The following KPNA3 variants were observed in gnomAD, a reference collection of about 807,000 sequenced individuals.
The protein encoded by KPNA3 is importin subunit alpha-4.
In KPNA3, 13 loss-of-function variants were observed where a neutral mutation model predicts 73.8. That is an observed-to-expected ratio of 0.18 (90% CI 0.11 to 0.28). The LOEUF is 0.28. KPNA3 is among the 10% of genes least tolerant of loss of function. KPNA3 has a pLI of 1.00. For synonymous variants in KPNA3, 186 were observed against 206.9 expected, an observed-to-expected ratio of 0.90 and a Z score of 0.87; for missense variants, 360 against 618.1, an observed-to-expected ratio of 0.58 and a Z score of 4.43.
chr13:49,787,538 A>C (rs1189804944), intron 1 of KPNA3, among the ~76,000 whole-genome samples: 8 of 151,916 alleles, frequency 5.3e-5, no homozygotes. Flanking sequence ...ACAGAGTTTC[A>C]CTCTGTCGCC....
intron 10 of KPNA3, among the ~76,000 whole-genome samples, chr13:49,713,297 A>AACACACAC (rs35263412): frequency 8.7e-5 from 13 of 148,686 alleles, no homozygotes; most frequent in African/African-American, 2.9e-4. Flanking sequence ...GCAGAGAATA[A>AACACACAC]ACACACACAC....
chr13:49,713,297 A>AACACAC (rs35263412), intron 10 of KPNA3, among the ~76,000 whole-genome samples: 1,541 of 148,682 alleles, frequency 0.01, 25 homozygotes, highest in African/African-American at 0.034. Flanking sequence ...GCAGAGAATA[A>AACACAC]ACACACACAC....
intron 1 of KPNA3, among the ~76,000 whole-genome samples, chr13:49,754,096 A>C (rs1007854681): frequency 1.3e-5 from 2 of 152,178 alleles, no homozygotes; most frequent in African/African-American, 4.8e-5. Flanking sequence ...CAGGAGTTCA[A>C]GACCAGCTTG....
intron 1 of KPNA3, among the ~76,000 whole-genome samples, chr13:49,751,434 TCTC>T (rs1224972317): frequency 6.6e-6 from 1 of 152,112 alleles, no homozygotes; most frequent in African/African-American, 2.4e-5. Context: ...GCCTAACTAG[TCTC>T]CTTCCATGCA....
At chr13:49,738,134 T>C (rs748415812) in intron 2 of KPNA3, among the ~76,000 whole-genome samples, 30 of 152,214 alleles carry the variant, frequency 2.0e-4, no homozygotes, top group South Asian at 2.1e-4. Flanking sequence ...CTTCCCTCCA[T>C]TGAATTGGTT....
At chr13:49,725,522 A>G (rs747682348) in intron 6 of KPNA3, 21 bp from the exon 7 acceptor site, 3 of 1,464,230 alleles carry the variant, frequency 2.0e-6, no homozygotes, top group Non-Finnish European at 1.9e-6. Flanking sequence ...ACAATAACAC[A>G]TCTTTTTAGA....
At chr13:49,751,935 T>C (rs560977729) in intron 1 of KPNA3, among the ~76,000 whole-genome samples, 9 of 151,818 alleles carry the variant, frequency 5.9e-5, no homozygotes, top group Admixed American at 2.0e-4. Context: ...ACCTACAAGG[T>C]TGGGAGACAA....
chr13:49,790,990 G>A (rs1955028189), intron 1 of KPNA3, among the ~76,000 whole-genome samples: 1 of 152,158 alleles, frequency 6.6e-6, no homozygotes. Flanking sequence ...AAAATTTCTT[G>A]TTCCTATTCC....
intron 1 of KPNA3, among the ~76,000 whole-genome samples, chr13:49,755,624 T>A (rs1312375522): frequency 6.6e-6 from 1 of 152,004 alleles, no homozygotes; most frequent in African/African-American, 2.4e-5. Flanking sequence ...TGAAACCCCA[T>A]CTCAACTAAA....
intron 1 of KPNA3, among the ~76,000 whole-genome samples, chr13:49,788,220 A>G (rs528359258): frequency 6.6e-6 from 1 of 152,354 alleles, no homozygotes; most frequent in South Asian, 2.1e-4. Context: ...ATAATTAATT[A>G]CTGTTACTAA....
chr13:49,792,354 C>T (rs1594469110), intron 1 of KPNA3, 84 bp downstream of exon 1: 1 of 921,188 alleles, frequency 1.1e-6, no homozygotes, highest in Non-Finnish European at 1.5e-6. Flanking sequence ...CCGACGAGAA[C>T]CAGCCCGGCG....
rs1555306764 is a variant in KPNA3, at chr13:49,758,763, CAT to C, written c.70-11772_70-11771del. 8.2e-4 allele frequency among the ~76,000 whole-genome samples: 125 copies of C among 151,810 alleles called. 1 individual carries two copies. Among genetic ancestry groups the C allele is most frequent in the African/African-American group, 1.8e-3 (74 of 41,398 alleles). ...GTATACATATAAATATACACACACA[CAT>C]ATGTTTATATACATACACACACACA... is the stretch of plus-strand genomic sequence containing the variant. On this transcript the variant is annotated intron_variant, in intron 1 of 16. Transcript: ENST00000261667.
intron 1 of KPNA3, among the ~76,000 whole-genome samples, chr13:49,781,765 T>C (rs973708569): frequency 1.2e-4 from 18 of 152,226 alleles, no homozygotes; most frequent in African/African-American, 4.3e-4. Flanking sequence ...CTGAAAGTCC[T>C]GTATACTGGG....
At chr13:49,736,918 G>A (rs959734404) in intron 2 of KPNA3, among the ~76,000 whole-genome samples, 22 of 152,188 alleles carry the variant, frequency 1.4e-4, no homozygotes, top group African/African-American at 5.3e-4. Flanking sequence ...TTATATAAAT[G>A]GGATCGTATG....
intron 1 of KPNA3, among the ~76,000 whole-genome samples, chr13:49,775,469 G>A (rs1012341788): frequency 6.6e-6 from 1 of 152,120 alleles, no homozygotes; most frequent in African/African-American, 2.4e-5. Context: ...CTGGGTCACT[G>A]TGACAAACTA....
chr13:49,731,249 G>GTTTTT (rs143641829), intron 6 of KPNA3, among the ~76,000 whole-genome samples: 38 of 102,212 alleles, frequency 3.7e-4, no homozygotes, highest in East Asian at 1.7e-3. Flanking sequence ...TAATTTTCGT[G>GTTTTT]TTTTTTTTTT....
chr13:49,733,668 C>T (rs116669393), intron 2 of KPNA3, among the ~76,000 whole-genome samples: 1,868 of 152,284 alleles, frequency 0.012, 46 homozygotes, highest in African/African-American at 0.042. Flanking sequence ...TATCCAGTCC[C>T]GCACTGACTG....
chr13:49,737,561 C>CTGTGTGTGTGTGTGTGTG (rs3990330), intron 2 of KPNA3, among the ~76,000 whole-genome samples: 1 of 142,958 alleles, frequency 7.0e-6, no homozygotes, highest in African/African-American at 2.7e-5. Context: ...GTGTGTGTGT[C>CTGTGTGTGTGTGTGTGTG]TGTGTGTGTG....
chr13:49,773,626 A>G (rs781748996), intron 1 of KPNA3, among the ~76,000 whole-genome samples: 3 of 152,210 alleles, frequency 2.0e-5, no homozygotes, highest in Admixed American at 6.5e-5. Context: ...TAACATTTAC[A>G]TGACACCTAT....
Sources: gnomAD v4.1 joint callset for allele counts (sites outside exome capture counted in the v4.1 genomes callset) on GRCh38, gnomAD v4.1.1 for gene constraint, MANE v1.5 for transcripts, NCBI Gene and HGNC (gene_info 2026-07-23, HGNC 2026-07-21) for gene names.